The following M1AP variants were observed in gnomAD, a reference collection of about 807,000 sequenced individuals.
M1AP encodes the protein meiosis 1 arrest protein.
Under a neutral mutation model 51.2 loss-of-function variants are expected in M1AP, and 39 were observed. That is an observed-to-expected ratio of 0.76 (90% CI 0.59 to 1.00). The LOEUF (loss-of-function observed/expected upper bound fraction) is 1.00, where lower values mean the gene tolerates loss of function less well. M1AP is among the 50% of genes least tolerant of loss of function. The pLI is 0.00. For missense variants in M1AP, 545 were observed against 641.2 expected, an observed-to-expected ratio of 0.85 and a Z score of 1.62; for synonymous variants, 251 against 249.2, an observed-to-expected ratio of 1.01 and a Z score of -0.07.
At chr2:74,561,253 G>GAGA (rs1677986800) in intron 8 of M1AP, among the ~76,000 whole-genome samples, 5 of 66,210 alleles carry the variant, frequency 7.6e-5, no homozygotes, top group African/African-American at 1.7e-4. Context: ...GGAGGAGGAG[G>GAGA]AGGAGGAGAA....
chr2:74,646,993 A>C (rs1683649831), intron 1 of M1AP, among the ~76,000 whole-genome samples: 1 of 152,150 alleles, frequency 6.6e-6, no homozygotes, highest in African/African-American at 2.4e-5. Context: ...GCATAGTACT[A>C]AACAGGCTCT....
In M1AP at chr2:74,581,864, A is replaced by G. The variant is rs1679428932; in HGVS notation, c.596-17T>C. 3 of 1,597,040 alleles carry G rather than the reference A, an allele frequency of 1.9e-6. No individual in the cohort carries two copies. The highest frequency in any genetic ancestry group is 2.6e-6 in the Non-Finnish European group (3 of 1,168,902). On this transcript the variant is annotated splice_polypyrimidine_tract_variant and intron_variant, in intron 4 of 10. Coordinates refer to ENST00000421985, the MANE Select transcript of M1AP (RefSeq NM_001321739.2). ...TAGAACTCTCTGCAAAAGAAAGGGA[A>G]ATAAAGTGTTCACTTAGATTGTAAA... is the stretch of plus-strand genomic sequence containing the variant.
At chr2:74,620,673 TCTC>T (rs1391549896) in intron 2 of M1AP, 3 of 215,896 alleles carry the variant, frequency 1.4e-5, no homozygotes, top group East Asian at 2.2e-4. Context: ...AATGCTGGGT[TCTC>T]CTGCCTGGTA....
Position 74,613,750 on chromosome 2 carries a change from T to G in M1AP, c.426+1214A>C, listed in dbSNP as rs60483215. Among the ~76,000 whole-genome samples the G allele has an allele frequency of 3.5e-3, 528 of 152,346 alleles. 2 individuals are homozygous for G. Among genetic ancestry groups the G allele is most frequent in the African/African-American group, 0.012 (509 of 41,574 alleles). On this transcript the variant is annotated intron_variant, in intron 3 of 10. Coordinates refer to ENST00000421985, the MANE Select transcript of M1AP (RefSeq NM_001321739.2). ...GGTATATTTCAAAATGGTTCATTTT[T>G]CCTTCTCCCTGTCAGAGGCATGAGG...
chr2:74,618,957 T>C (rs1383595030), intron 2 of M1AP: 5 of 535,170 alleles, frequency 9.3e-6, no homozygotes, highest in South Asian at 4.2e-5. Flanking sequence ...CTTGTGACAA[T>C]GTCTTCATCT....
intron 2 of M1AP, among the ~76,000 whole-genome samples, chr2:74,635,499 C>T (rs1246416175): frequency 6.6e-6 from 1 of 151,718 alleles, no homozygotes; most frequent in Admixed American, 6.6e-5. Context: ...TTCATTATAT[C>T]CTTGTTTTTG....
At chr2:74,568,953 C>T (rs779393289) in intron 7 of M1AP, among the ~76,000 whole-genome samples, 6 of 152,132 alleles carry the variant, frequency 3.9e-5, no homozygotes, top group Non-Finnish European at 5.9e-5. Flanking sequence ...AAGCTAACAC[C>T]AGCTGGAGTC....
chr2:74,561,062 GGGA>G (rs1208357090), intron 8 of M1AP, among the ~76,000 whole-genome samples: 570 of 56,760 alleles, frequency 0.01, 13 homozygotes, highest in African/African-American at 0.021. Context: ...GGAGGAGGAG[GGGA>G]GGAGGAGGAG....
chr2:74,638,906 C>T (rs192604746), intron 2 of M1AP, among the ~76,000 whole-genome samples: 78 of 152,270 alleles, frequency 5.1e-4, no homozygotes, highest in African/African-American at 1.7e-3. Context: ...AATAGAGGTA[C>T]CAAATTCTGC....
chr2:74,613,535 G>A lies in M1AP; in HGVS notation c.426+1429C>T, dbSNP rs1346192907. On this transcript the variant is annotated intron_variant, in intron 3 of 10. Transcript: ENST00000421985. ...TGGGACAGGATGGCTAGAGTGGGCTGAAGTTGAGTATTCCTTTCTGCTACA... is the reference window on the plus strand; with the variant it reads ...TGGGACAGGATGGCTAGAGTGGGCTAAAGTTGAGTATTCCTTTCTGCTACA... Among the ~76,000 whole-genome samples, 3 of 126,224 alleles carry A rather than the reference G, an allele frequency of 2.4e-5. No homozygotes were observed. In the East Asian group the frequency reaches 1.6e-3, roughly 68 times the overall value. The allele number at this position is 126,224 out of a possible 152,430, so 82.8% of individuals were successfully genotyped here.
intron 2 of M1AP, among the ~76,000 whole-genome samples, chr2:74,633,001 T>C (rs1295912398): frequency 6.6e-6 from 1 of 152,206 alleles, no homozygotes; most frequent in African/African-American, 2.4e-5. Flanking sequence ...TATCTTCTAT[T>C]TGCCCTTCCA....
chr2:74,591,589 C>A (rs553170373), intron 4 of M1AP, among the ~76,000 whole-genome samples: 1 of 152,148 alleles, frequency 6.6e-6, no homozygotes, highest in East Asian at 1.9e-4. Flanking sequence ...GTTAGGAAGG[C>A]GTTAAATCTT....
chr2:74,645,506 G>A (rs1683556431), intron 1 of M1AP, among the ~76,000 whole-genome samples: 1 of 152,146 alleles, frequency 6.6e-6, no homozygotes, highest in African/African-American at 2.4e-5. Flanking sequence ...ACAGGGCGAG[G>A]GTGGAAGCAG....
intron 1 of M1AP, chr2:74,647,876 A>C (rs1416755506): frequency 2.7e-5 from 9 of 328,368 alleles, no homozygotes; most frequent in African/African-American, 4.5e-5. Flanking sequence ...CTTGGGCAAC[A>C]AGGGTGAAAC....
chr2:74,626,525 C>T (rs1682406405), intron 2 of M1AP, among the ~76,000 whole-genome samples: 2 of 152,172 alleles, frequency 1.3e-5, no homozygotes, highest in Admixed American at 1.3e-4. Context: ...TCCCAAAGTG[C>T]TAGGATTACA....
rs557075817 is a variant in M1AP, at chr2:74,617,297, T to C, written c.241-2148A>G. On this transcript the variant is annotated intron_variant, in intron 2 of 10. Transcript: ENST00000421985. ...TGATCAGGGCAGTCCAGCCTGGTGA[T>C]GTCATATAGGGTGTCATTAGATGAC... Among the ~76,000 whole-genome samples, 3 of 152,336 alleles carry C rather than the reference T, an allele frequency of 2.0e-5. No individual in the cohort carries two copies. In the South Asian group the frequency reaches 6.2e-4, roughly 32 times the overall value.
chr2:74,618,477 T>C (rs1317250289), intron 2 of M1AP, among the ~76,000 whole-genome samples: 1 of 152,200 alleles, frequency 6.6e-6, no homozygotes, highest in African/African-American at 2.4e-5. Context: ...GCAGGGCCCT[T>C]GAACCCCTTC....
At chr2:74,571,087 T>A (rs1678709178) in intron 7 of M1AP, among the ~76,000 whole-genome samples, 1 of 152,178 alleles carries the variant, frequency 6.6e-6, no homozygotes, top group Non-Finnish European at 1.5e-5. Context: ...AGGGGAATGC[T>A]TCAAGGAGAT....
intron 1 of M1AP, among the ~76,000 whole-genome samples, chr2:74,645,191 G>A (rs1231440998): frequency 2.0e-5 from 3 of 152,088 alleles, no homozygotes; most frequent in Admixed American, 1.3e-4. Context: ...AACACTCACT[G>A]CAAAGGTCTG....
Sources: gnomAD v4.1 joint callset for allele counts (sites outside exome capture counted in the v4.1 genomes callset) on GRCh38, gnomAD v4.1.1 for gene constraint, MANE v1.5 for transcripts, NCBI Gene and HGNC (gene_info 2026-07-23, HGNC 2026-07-21) for gene names.